Variants in CORO7 observed in about 807,000 individuals in gnomAD.
The protein encoded by CORO7 is coronin-7.
In CORO7, 107 loss-of-function variants were observed where a neutral mutation model predicts 126.6. That is an observed-to-expected ratio of 0.85 (90% CI 0.72 to 0.99). The LOEUF (loss-of-function observed/expected upper bound fraction) is 0.99. CORO7 is among the 50% of genes least tolerant of loss of function. CORO7 has a pLI of 0.00. For missense variants in CORO7, 1,314 were observed against 1,255.8 expected (o/e 1.05, Z -0.70); for synonymous variants, 603 against 536.8 (o/e 1.12, Z -1.70).
intron 3 of CORO7, among the ~76,000 whole-genome samples, chr16:4,409,671 C>G (rs935373149): frequency 2.6e-4 from 39 of 152,250 alleles, no homozygotes. Flanking sequence ...GCATGACATG[C>G]TGCTGCCTTT....
chr16:4,360,866 T>TCACTGCTGGCCCCGCCTCTCCA lies in CORO7; in HGVS notation c.1917+76_1917+77insTGGAGAGGCGGGGCCAGCAGTG, dbSNP rs2054153241. 1.3e-5 allele frequency: 20 copies of TCACTGCTGGCCCCGCCTCTCCA among 1,572,420 alleles called. No individual in the cohort carries two copies. The East Asian group carries it at 3.9e-4, about 31-fold the overall frequency. On this transcript the variant is annotated intron_variant, in intron 19 of 27. Transcript: ENST00000251166. ...TCCTCACTGCTGGCCCCGCCACTCC[T>TCACTGCTGGCCCCGCCTCTCCA]CACTGCTGGCCCCACCTCTCCACAC...
At chr16:4,355,606 T>C (rs4786484) in intron 26 of CORO7, 510,796 of 510,804 alleles carry the variant, frequency 1, 255,394 homozygotes, top group Middle Eastern at 1. Context: ...GGAGCTGGGA[T>C]TACAGGCGCC....
chr16:4,384,847 C>CG (rs1239549030), intron 9 of CORO7, among the ~76,000 whole-genome samples: 1 of 152,124 alleles, frequency 6.6e-6, no homozygotes, highest in South Asian at 2.1e-4. Flanking sequence ...CTGCCTCCCC[C>CG]GGCCCGTGGC....
intron 24 of CORO7, 71 bp downstream of exon 24, chr16:4,358,296 G>C: frequency 6.4e-7 from 1 of 1,567,342 alleles, no homozygotes; most frequent in Non-Finnish European, 8.7e-7. Context: ...AGCTGGGTCA[G>C]ACGGGACCCA....
intron 5 of CORO7, 99 bp downstream of exon 5, chr16:4,407,402 T>C (rs545173214): frequency 7.2e-7 from 1 of 1,394,206 alleles, no homozygotes; most frequent in South Asian, 1.3e-5. Context: ...AACTTTGATA[T>C]CTGTTTTTAA....
intron 6 of CORO7, among the ~76,000 whole-genome samples, chr16:4,401,115 G>T (rs2055786604): frequency 6.6e-6 from 1 of 152,204 alleles, no homozygotes; most frequent in Non-Finnish European, 1.5e-5. Flanking sequence ...CTGGACTCTG[G>T]GGCCTGGAGG....
Position 4,409,181 on chromosome 16 carries a change from C to T in CORO7, c.233-930G>A, listed in dbSNP as rs138666894. ...CCACCTGCTGCTGTCTGCCTCCCAA[C>T]AGGGCTGAGCAGGACTGTCTTCCTC... On this transcript the variant is annotated intron_variant, in intron 3 of 27. Coordinates refer to ENST00000251166, the MANE Select transcript of CORO7 (RefSeq NM_024535.5). 1.1e-4 allele frequency among the ~76,000 whole-genome samples: 17 copies of T among 152,330 alleles called. No individual in the cohort carries two copies. In the East Asian group the frequency reaches 2.5e-3, roughly 22 times the overall value.
At chr16:4,382,080 G>T (rs1252456048) in intron 9 of CORO7, 1 of 1,585,688 alleles carries the variant, frequency 6.3e-7, no homozygotes, top group Non-Finnish European at 8.6e-7. Context: ...CGACTGTAGG[G>T]CCTGTCCCCC....
chr16:4,364,638 C>T lies in CORO7; in HGVS notation c.1096G>A (p.Ala366Thr), dbSNP rs1345848140. ...LFPDTAGCVP[A>T]TDPHSWWAGD... ...GCCCACCAGCTATGGGGGTCGGTGG[C>T]AGGCACACAGCCGGCAGTGTCCGGG... is the stretch of plus-strand genomic sequence containing the variant. The change falls in exon 13 of 28, where the codon GCC becomes ACC. Residue 366 changes from alanine to threonine, a missense_variant. Ala to Thr is a moderately conservative substitution (Grantham distance 58, BLOSUM62 0). Coordinates refer to ENST00000251166, the MANE Select transcript of CORO7 (RefSeq NM_024535.5). 3 of 1,576,130 alleles carry T rather than the reference C, an allele frequency of 1.9e-6. No homozygotes were observed. In the South Asian group the frequency reaches 3.5e-5, roughly 18 times the overall value.
intron 7 of CORO7, among the ~76,000 whole-genome samples, chr16:4,394,547 C>T (rs1387429206): frequency 6.6e-6 from 1 of 152,242 alleles, no homozygotes; most frequent in African/African-American, 2.4e-5. Context: ...CTCAGACAAG[C>T]CCGTCCTCCT....
At chr16:4,364,254 TG>T in intron 14 of CORO7, 21 bp downstream of exon 14, 2 of 1,514,746 alleles carry the variant, frequency 1.3e-6, no homozygotes, top group Non-Finnish European at 8.8e-7. Flanking sequence ...TGAGGGAGGA[TG>T]GGGGCGGCCC....
chr16:4,400,954 G>A (rs1361653375), intron 6 of CORO7, among the ~76,000 whole-genome samples: 1 of 152,098 alleles, frequency 6.6e-6, no homozygotes, highest in African/African-American at 2.4e-5. Flanking sequence ...CACTTTTTCT[G>A]TAAACTTAAA....
intron 9 of CORO7, chr16:4,381,382 C>T (rs752771700): frequency 1.3e-6 from 2 of 1,589,536 alleles, no homozygotes; most frequent in East Asian, 4.6e-5. Flanking sequence ...GCTGCGCCTG[C>T]CCCGCCTGCT....
At chr16:4,371,685 G>GA (rs2054527961) in intron 9 of CORO7, among the ~76,000 whole-genome samples, 1 of 152,254 alleles carries the variant, frequency 6.6e-6, no homozygotes, top group African/African-American at 2.4e-5. Flanking sequence ...CAGGTCAGGT[G>GA]GCCGCAGGGT....
intron 5 of CORO7, among the ~76,000 whole-genome samples, 154 bp from the exon 6 acceptor site, chr16:4,405,721 C>A (rs958045016): frequency 6.6e-6 from 1 of 151,094 alleles, no homozygotes; most frequent in African/African-American, 2.4e-5. Flanking sequence ...TTCTCCCAGA[C>A]AGGCTTCCCC....
At chr16:4,413,540 C>CTT in intron 1 of CORO7, 136 bp from the exon 2 acceptor site, 3 of 752,130 alleles carry the variant, frequency 4.0e-6, no homozygotes, top group East Asian at 3.1e-5. Context: ...CTTTTATTTA[C>CTT]TTTTTTTTTC....
Position 4,365,536 on chromosome 16 carries a change from C to A in CORO7, c.795G>T (p.Val265=). ...GCCCAGAGTCAGGGTCCAGCAGAGG[C>A]ACGAGACACCTGGGGAAGAGAGGGC... ...LTLDTSLGCL[V]PLLDPDSGLL... Residue 265 remains valine, a synonymous_variant, in exon 10 of 28, where the codon GTG becomes GTT. Transcript: ENST00000251166. The A allele has an allele frequency of 1.3e-6, 2 of 1,581,376 alleles. No individual in the cohort carries two copies. The highest frequency in any genetic ancestry group is 1.7e-6 in the Non-Finnish European group (2 of 1,163,928).
intron 7 of CORO7, among the ~76,000 whole-genome samples, chr16:4,389,395 G>A (rs2055308459): frequency 1.3e-5 from 2 of 152,178 alleles, no homozygotes; most frequent in African/African-American, 4.8e-5. Flanking sequence ...CCTGGCCCCT[G>A]GAGCCTGAGA....
At chr16:4,394,219 G>C (rs1367857325) in intron 7 of CORO7, among the ~76,000 whole-genome samples, 1 of 152,076 alleles carries the variant, frequency 6.6e-6, no homozygotes, top group Non-Finnish European at 1.5e-5. Flanking sequence ...GCCAAGGCGG[G>C]AGGATCACGA....
Sources: gnomAD v4.1 joint callset for allele counts (sites outside exome capture counted in the v4.1 genomes callset) on GRCh38, gnomAD v4.1.1 for gene constraint, MANE v1.5 for transcripts, NCBI Gene and HGNC (gene_info 2026-07-23, HGNC 2026-07-21) for gene names.